NTRK2: variants seen among roughly 807,000 people sequenced by gnomAD.
NTRK2 encodes the protein BDNF/NT-3 growth factors receptor.
Under a neutral mutation model 94.5 loss-of-function variants are expected in NTRK2, and 13 were observed. The ratio of observed to expected loss-of-function variants is 0.14; its 90% CI spans 0.09 to 0.22. NTRK2 has a LOEUF of 0.22. Ranked by LOEUF, NTRK2 falls within the 10% of genes least tolerant of loss-of-function variation. NTRK2 has a pLI of 1.00. For missense variants in NTRK2, 639 were observed against 1,071.2 expected (o/e 0.60, Z 5.63); for synonymous variants, 372 against 407.4 (o/e 0.91, Z 1.05).
intron 9 of NTRK2, among the ~76,000 whole-genome samples, chr9:84,731,368 G>A (rs1313571814): frequency 3.9e-5 from 6 of 152,106 alleles, no homozygotes; most frequent in African/African-American, 1.4e-4. Context: ...CCTGGGAGGC[G>A]GAGGTTGCAG....
chr9:84,975,221 T>C (rs987884158), intron 17 of NTRK2, among the ~76,000 whole-genome samples: 1 of 152,034 alleles, frequency 6.6e-6, no homozygotes, highest in Non-Finnish European at 1.5e-5. Context: ...TTTTCCCCCC[T>C]CTTTCCCAAA....
At chr9:84,798,501 A>G (rs1174257273) in intron 12 of NTRK2, among the ~76,000 whole-genome samples, 1 of 152,186 alleles carries the variant, frequency 6.6e-6, no homozygotes. Flanking sequence ...AGGGGCCCTG[A>G]GTCTGCCCTT....
upstream of NTRK2, among the ~76,000 whole-genome samples, chr9:84,668,980 C>T (rs2058532005): frequency 6.6e-6 from 1 of 152,170 alleles, no homozygotes; most frequent in African/African-American, 2.4e-5. Flanking sequence ...CTTCCCCTCA[C>T]ATGTCTCTAT....
At position 84,687,725 on chromosome 9, in the gene NTRK2, G is replaced by A. The variant is rs183730587; in HGVS notation, c.213-14434G>A. Among the ~76,000 whole-genome samples, 118 of 152,266 alleles carry A rather than the reference G, an allele frequency of 7.7e-4. 1 individual carries two copies. Among genetic ancestry groups the A allele is most frequent in the Admixed American group, 4.9e-3 (75 of 15,290 alleles). The stretch of plus-strand genomic sequence containing the variant: ...GATTGATTGATTGACTGACTCATGC[G>A]TTCATTCATTTGGTTACTCAATCAG... On this transcript the variant is annotated intron_variant, in intron 2 of 18. Coordinates refer to ENST00000277120, the MANE Select transcript of NTRK2 (RefSeq NM_006180.6).
At chr9:84,799,267 G>A (rs1301207603) in intron 12 of NTRK2, among the ~76,000 whole-genome samples, 1 of 151,964 alleles carries the variant, frequency 6.6e-6, no homozygotes, top group Non-Finnish European at 1.5e-5. Context: ...CATGCTTCAA[G>A]GCTCCTTTTC....
At chr9:84,699,039 A>T (rs550571615) in intron 2 of NTRK2, among the ~76,000 whole-genome samples, 95 of 145,742 alleles carry the variant, frequency 6.5e-4, no homozygotes, top group East Asian at 3.2e-3. Flanking sequence ...CTTGCTGAAA[A>T]TTTTTTTTTT....
rs895445083 is a variant in NTRK2, at chr9:84,758,719, T to C, written c.1396+6634T>C. Among the ~76,000 whole-genome samples the C allele has an allele frequency of 7.2e-5, 11 of 152,160 alleles. No homozygotes were observed. In the East Asian group the frequency reaches 2.1e-3, roughly 29 times the overall value. Reference sequence around the variant, plus strand: ...TTGTAATTATTTTATTAAACTTTGGTATGAAGTAGTCCTCTCTTTTTCAGA... The same window carrying C: ...TTGTAATTATTTTATTAAACTTTGGCATGAAGTAGTCCTCTCTTTTTCAGA... On this transcript the variant is annotated intron_variant, in intron 12 of 18. Coordinates refer to ENST00000277120, the MANE Select transcript of NTRK2 (RefSeq NM_006180.6).
chr9:84,674,218 C>T (rs185810808), intron 2 of NTRK2, among the ~76,000 whole-genome samples: 17 of 152,174 alleles, frequency 1.1e-4, no homozygotes, highest in South Asian at 4.2e-4. Flanking sequence ...TTATGTTGCA[C>T]GTGCTTTATG....
intron 14 of NTRK2, among the ~76,000 whole-genome samples, chr9:84,891,233 C>T (rs1564437732): frequency 6.6e-6 from 1 of 151,272 alleles, no homozygotes; most frequent in African/African-American, 2.4e-5. Flanking sequence ...GATGGTCAAG[C>T]TTTTTTTTAA....
At chr9:84,812,318 G>T in intron 12 of NTRK2, 1 of 1,057,850 alleles carries the variant, frequency 9.5e-7, no homozygotes, top group African/African-American at 1.6e-5. Context: ...CCTATGGATT[G>T]CAGCATTTCA....
At chr9:84,974,810 G>A (rs1826610293) in intron 17 of NTRK2, among the ~76,000 whole-genome samples, 1 of 152,152 alleles carries the variant, frequency 6.6e-6, no homozygotes, top group South Asian at 2.1e-4. Flanking sequence ...TATCCCTGCT[G>A]GCTTCAGCTT....
intron 14 of NTRK2, among the ~76,000 whole-genome samples, chr9:84,870,196 G>A (rs1480180257): frequency 4.5e-5 from 6 of 133,384 alleles, no homozygotes; most frequent in Non-Finnish European, 7.9e-5. Context: ...ATAAGTATAT[G>A]TACATATACC....
Position 85,025,434 on chromosome 9 carries a change from C to A in NTRK2, c.*3997C>A, listed in dbSNP as rs190692579. ...GGCTTGAAGGCCAATGATGAGCAGT[C>A]CAAGACCCCACAGCGAGATGAGCAA... On this transcript the variant is annotated 3_prime_UTR_variant, in exon 19 of 19. Coordinates refer to ENST00000277120, the MANE Select transcript of NTRK2 (RefSeq NM_006180.6). The A allele has an allele frequency of 6.4e-5, 15 of 233,234 alleles. No individual in the cohort carries two copies. The East Asian group carries it at 8.4e-4, about 13-fold the overall frequency. The allele number at this position is 233,234 out of a possible 1,614,324, so 14.4% of individuals were successfully genotyped here.
intron 17 of NTRK2, among the ~76,000 whole-genome samples, chr9:85,002,960 G>A (rs1451380701): frequency 1.3e-5 from 2 of 152,186 alleles, no homozygotes; most frequent in Non-Finnish European, 2.9e-5. Flanking sequence ...CCAGTAGGTG[G>A]CCTGCTGAGT....
chr9:84,988,762 T>C (rs1292349716), intron 17 of NTRK2, among the ~76,000 whole-genome samples: 1 of 152,190 alleles, frequency 6.6e-6, no homozygotes, highest in Non-Finnish European at 1.5e-5. Flanking sequence ...AGGAAGGACC[T>C]TGGAAGGCAG....
intron 12 of NTRK2, among the ~76,000 whole-genome samples, chr9:84,828,344 A>G (rs1398288354): frequency 6.6e-6 from 1 of 152,218 alleles, no homozygotes; most frequent in South Asian, 2.1e-4. Context: ...TAACTTCATT[A>G]TATGTTGAAG....
At position 84,944,581 on chromosome 9, in the gene NTRK2, A is replaced by T. The variant is rs140422824; in HGVS notation, c.1765-3881A>T. 1.7e-4 allele frequency among the ~76,000 whole-genome samples: 26 copies of T among 152,376 alleles called. No individual in the cohort carries two copies. The East Asian group carries it at 4.6e-3, about 27-fold the overall frequency. Reference sequence around the variant, plus strand: ...TAGGCATGTGCCTTAGAAATAAGCTATCTCAGTGACTCAGACCATCCTCTG... The same window carrying T: ...TAGGCATGTGCCTTAGAAATAAGCTTTCTCAGTGACTCAGACCATCCTCTG... On this transcript the variant is annotated intron_variant, in intron 15 of 18. Transcript: ENST00000277120.
intron 6 of NTRK2, among the ~76,000 whole-genome samples, chr9:84,719,734 G>A (rs1336833401): frequency 2.6e-5 from 4 of 151,956 alleles, no homozygotes; most frequent in Non-Finnish European, 4.4e-5. Flanking sequence ...AAGTGGAAGA[G>A]TCGGCTGGGC....
chr9:84,869,154 T>C (rs2075729167), intron 14 of NTRK2, among the ~76,000 whole-genome samples: 1 of 152,154 alleles, frequency 6.6e-6, no homozygotes, highest in African/African-American at 2.4e-5. Flanking sequence ...GAAAGAAAGA[T>C]TTCAAAGGTT....
Sources: gnomAD v4.1 joint callset for allele counts (sites outside exome capture counted in the v4.1 genomes callset) on GRCh38, gnomAD v4.1.1 for gene constraint, MANE v1.5 for transcripts, NCBI Gene and HGNC (gene_info 2026-07-23, HGNC 2026-07-21) for gene names.